PCDH11Y: variants seen among roughly 807,000 people sequenced by gnomAD.
PCDH11Y encodes the protein protocadherin 11 Y-linked.
For synonymous variants in PCDH11Y, 9 were observed against 83.6 expected, an observed-to-expected ratio of 0.11 and a Z score of 4.87; for missense variants, 12 against 224.8, an observed-to-expected ratio of 0.05 and a Z score of 6.05.
chrY:5,061,224 C>T, intron 1 of PCDH11Y, among the ~76,000 whole-genome samples: 1 of 32,240 alleles, frequency 3.1e-5, no homozygotes, highest in Non-Finnish European at 7.6e-5. Flanking sequence ...TAATAGTTGC[C>T]ACTTAAAAAA....
At chrY:5,037,138 T>A in intron 3 of PCDH11Y, 1 of 74,904 alleles carries the variant, frequency 1.3e-5, no homozygotes, top group Non-Finnish European at 2.9e-5. Context: ...CTTGTTTTAG[T>A]CTGTGGGCTT....
At chrY:5,275,967 T>C in intron 2 of PCDH11Y, among the ~76,000 whole-genome samples, 1 of 33,264 alleles carries the variant, frequency 3.0e-5, no homozygotes, top group Non-Finnish European at 7.4e-5. Flanking sequence ...GTTTGTGATA[T>C]GAGCAGTGAT....
intron 3 of PCDH11Y, among the ~76,000 whole-genome samples, chrY:5,537,551 TC>T (rs2053401780): frequency 3.1e-5 from 1 of 32,722 alleles, no homozygotes; most frequent in Non-Finnish European, 7.5e-5. Flanking sequence ...GCTTTGGGTC[TC>T]TCTCTGGCTC....
intron 3 of PCDH11Y, among the ~76,000 whole-genome samples, chrY:5,504,637 A>G (rs2053357281): frequency 1.4e-3 from 47 of 32,895 alleles, no homozygotes; most frequent in Admixed American, 8.5e-4. Context: ...TGCATTTTCA[A>G]AGGATTTTCT....
intron 2 of PCDH11Y, among the ~76,000 whole-genome samples, chrY:5,431,689 C>A: frequency 3.0e-5 from 1 of 33,545 alleles, no homozygotes; most frequent in Admixed American, 2.8e-4. Context: ...AATATCTCAA[C>A]TATTTCTCAG....
Position 5,400,279 on chromosome Y carries a change from G to A in PCDH11Y, c.3130-100778G>A, listed in dbSNP as rs1602919628. Among the ~76,000 whole-genome samples, 7 of 34,445 alleles carry A rather than the reference G, an allele frequency of 2.0e-4. No homozygotes were observed. The East Asian group carries it at 4.7e-3, about 23-fold the overall frequency. 92.4% of individuals were successfully genotyped at this position (34,445 alleles called of 37,273 possible). On this transcript the variant is annotated intron_variant, in intron 2 of 4. Coordinates refer to the PCDH11Y transcript ENST00000400457. ...TAGGAACACCTTTAAGCGGTTTTCC[G>A]CCCTGGGTGGGCCAGGTGTTTCTTG...
chrY:5,725,880 T>TA (rs2053598442), intron 4 of PCDH11Y, among the ~76,000 whole-genome samples: 3 of 32,710 alleles, frequency 9.2e-5, no homozygotes, highest in Middle Eastern at 0.014. Flanking sequence ...TTTAAATGGG[T>TA]AAAAAATACA....
intron 2 of PCDH11Y, among the ~76,000 whole-genome samples, chrY:5,269,803 G>T: frequency 3.2e-5 from 1 of 31,420 alleles, no homozygotes; most frequent in African/African-American, 1.2e-4. Flanking sequence ...TAGGGAGCTT[G>T]TAGTCAAATT....
At chrY:5,683,613 C>T in intron 4 of PCDH11Y, among the ~76,000 whole-genome samples, 2 of 33,493 alleles carry the variant, frequency 6.0e-5, no homozygotes, top group African/African-American at 1.2e-4. Context: ...TGTACAAAAA[C>T]AGACACATAG....
chrY:5,304,146 T>C, intron 2 of PCDH11Y, among the ~76,000 whole-genome samples: 8 of 14,807 alleles, frequency 5.4e-4, no homozygotes, highest in Non-Finnish European at 5.5e-4. Context: ...GAAGGCCATT[T>C]TCTCTTTTCT....
At chrY:5,479,414 G>A (rs1189620053) in intron 2 of PCDH11Y, among the ~76,000 whole-genome samples, 2,862 of 33,465 alleles carry the variant, frequency 0.086, no homozygotes, top group Non-Finnish European at 0.03. Context: ...TTAGTCTGAC[G>A]GACTTCCCTT....
At chrY:5,475,364 G>GT (rs1484069322) in intron 2 of PCDH11Y, among the ~76,000 whole-genome samples, 4 of 31,321 alleles carry the variant, frequency 1.3e-4, no homozygotes, top group East Asian at 8.4e-4. Context: ...GGTTTAATGT[G>GT]TTTTTTTTTA....
chrY:5,337,956 C>A, intron 2 of PCDH11Y: 1 of 393,705 alleles, frequency 2.5e-6, no homozygotes, highest in Non-Finnish European at 3.6e-6. Flanking sequence ...TGCTGCACAT[C>A]AATGCCTCTG....
At chrY:5,690,989 A>G (rs1602960504) in intron 4 of PCDH11Y, among the ~76,000 whole-genome samples, 1 of 33,138 alleles carries the variant, frequency 3.0e-5, no homozygotes, top group African/African-American at 1.2e-4. Flanking sequence ...TTTCCACCCT[A>G]CTTCCTATGT....
At chrY:5,550,912 G>A in intron 3 of PCDH11Y, among the ~76,000 whole-genome samples, 2 of 32,046 alleles carry the variant, frequency 6.2e-5, no homozygotes, top group Non-Finnish European at 1.5e-4. Context: ...AAAGATAATT[G>A]ATAATTAGTC....
intron 3 of PCDH11Y, among the ~76,000 whole-genome samples, chrY:5,565,962 AAT>A (rs1556033168): frequency 9.7e-5 from 2 of 20,676 alleles, no homozygotes; most frequent in South Asian, 2.3e-3. Context: ...ATATATATAT[AAT>A]ATATATATAT....
intron 2 of PCDH11Y, among the ~76,000 whole-genome samples, chrY:5,388,424 G>A: frequency 6.1e-5 from 2 of 32,963 alleles, no homozygotes; most frequent in Admixed American, 5.6e-4. Flanking sequence ...TGCCTCTCCC[G>A]TGATTTAGAC....
chrY:5,579,274 T>A (rs2053448802), intron 3 of PCDH11Y, among the ~76,000 whole-genome samples: 6 of 32,803 alleles, frequency 1.8e-4, no homozygotes, highest in Admixed American at 1.7e-3. Context: ...AGAGGAGATT[T>A]TTTTTCTTTA....
chrY:5,506,950 A>C, intron 3 of PCDH11Y, among the ~76,000 whole-genome samples: 2 of 33,183 alleles, frequency 6.0e-5, no homozygotes, highest in Admixed American at 2.8e-4. Flanking sequence ...AGTCACTTTT[A>C]TTCTTTTTCA....
Sources: gnomAD v4.1 joint callset for allele counts (sites outside exome capture counted in the v4.1 genomes callset) on GRCh38, gnomAD v4.1.1 for gene constraint, MANE v1.5 for transcripts, NCBI Gene and HGNC (gene_info 2026-07-23, HGNC 2026-07-21) for gene names.